Variants in ABLIM1 observed in about 807,000 individuals in gnomAD.
The protein encoded by ABLIM1 is actin-binding LIM protein 1.
In ABLIM1, 40 loss-of-function variants were observed where a neutral mutation model predicts 107.0. The observed-to-expected ratio is 0.37, with a 90% confidence interval of 0.29 to 0.49. The LOEUF (loss-of-function observed/expected upper bound fraction) is 0.49, where lower values mean the gene tolerates loss of function less well. Ranked by LOEUF, ABLIM1 falls within the 20% of genes least tolerant of loss-of-function variation. The pLI, the probability that ABLIM1 is intolerant of heterozygous loss-of-function variation, is 0.97. For synonymous variants in ABLIM1, 357 were observed against 357.3 expected, an observed-to-expected ratio of 1.00 and a Z score of 0.01; for missense variants, 857 against 1,008.5, an observed-to-expected ratio of 0.85 and a Z score of 2.04.
At position 114,441,053 on chromosome 10, in the gene ABLIM1, A is replaced by G; in HGVS notation, c.2023T>C (p.Tyr675His). ...CCGCTGACATCCCCATAGCTGTTAT[A>G]CTGAGCGAAGTCGGTAGAAACAGGC... ...HRPVSTDFAQ[Y>H]NSYGDVSGGV... Residue 675 changes from tyrosine to histidine, a missense_variant, in exon 19 of 23, where the codon TAT (tyrosine) becomes CAT (histidine). Physicochemically the swap from Tyr to His is moderately conservative, Grantham distance 83. Coordinates refer to ENST00000533213, the MANE Select transcript of ABLIM1 (RefSeq NM_002313.7). 1 of 1,588,664 alleles carries G rather than the reference A, an allele frequency of 6.3e-7. No individual in the cohort carries two copies.
intron 1 of ABLIM1, among the ~76,000 whole-genome samples, chr10:114,656,276 A>AG (rs1255003670): frequency 6.6e-6 from 1 of 151,160 alleles, no homozygotes; most frequent in Non-Finnish European, 1.5e-5. Flanking sequence ...TCTCAAAAAA[A>AG]AAAAAAAAAA....
At chr10:114,485,927 C>G (rs1309750464) in intron 8 of ABLIM1, among the ~76,000 whole-genome samples, 3 of 152,216 alleles carry the variant, frequency 2.0e-5, no homozygotes, top group Admixed American at 6.5e-5. Context: ...TCCCTTTAAA[C>G]CCTACCAACA....
intron 12 of ABLIM1, among the ~76,000 whole-genome samples, chr10:114,461,086 CAG>C (rs1356292520): frequency 6.6e-6 from 1 of 150,532 alleles, no homozygotes. Context: ...TTTTTTGAGA[CAG>C]GGTTTTGCTC....
chr10:114,693,151 G>A (rs1246165626), intron 1 of ABLIM1, among the ~76,000 whole-genome samples: 3 of 152,176 alleles, frequency 2.0e-5, no homozygotes, highest in Non-Finnish European at 4.4e-5. Flanking sequence ...GAAGAAGGAG[G>A]CTGTGTTGGG....
intron 6 of ABLIM1, among the ~76,000 whole-genome samples, chr10:114,513,846 C>A (rs930182881): frequency 6.6e-6 from 1 of 152,152 alleles, no homozygotes; most frequent in Non-Finnish European, 1.5e-5. Flanking sequence ...AGTGCCCCTG[C>A]AAATTCTTAT....
At chr10:114,440,042 A>G (rs2059973974) in intron 20 of ABLIM1, 40 bp downstream of exon 20, 2 of 1,613,688 alleles carry the variant, frequency 1.2e-6, no homozygotes, top group East Asian at 2.2e-5. Flanking sequence ...TGGCTGTTCT[A>G]TCGGTGTGGC....
intron 6 of ABLIM1, among the ~76,000 whole-genome samples, chr10:114,508,303 A>C (rs777438175): frequency 3.9e-5 from 6 of 152,214 alleles, no homozygotes; most frequent in Non-Finnish European, 8.8e-5. Context: ...GGCTGGGTTA[A>C]TATCTCCATT....
At chr10:114,468,325 A>G (rs1163820767) in intron 10 of ABLIM1, 109 bp from the exon 11 acceptor site, 5 of 1,050,508 alleles carry the variant, frequency 4.8e-6, no homozygotes, top group Admixed American at 3.6e-5. Context: ...CCCAGGCTGG[A>G]GTGCAGTGGC....
intron 6 of ABLIM1, among the ~76,000 whole-genome samples, chr10:114,497,765 T>G (rs1431039589): frequency 6.6e-6 from 1 of 151,822 alleles, no homozygotes; most frequent in Non-Finnish European, 1.5e-5. Flanking sequence ...AAGACTACAC[T>G]GTGGCTAGCA....
chr10:114,515,421 G>T (rs189014814), intron 6 of ABLIM1, among the ~76,000 whole-genome samples: 1 of 152,284 alleles, frequency 6.6e-6, no homozygotes, highest in East Asian at 1.9e-4. Flanking sequence ...TTCCACCATG[G>T]TTGAGAATCC....
rs139054713 is a variant in ABLIM1 at position 114,629,914 on chromosome 10, A to T, written c.245-27953T>A. ...CTCTGTTGATGGCTGAGGTCAGTGCAATCAGAAAGCAGTGGTGTGGACTGG... is the reference window on the plus strand; with the variant it reads ...CTCTGTTGATGGCTGAGGTCAGTGCTATCAGAAAGCAGTGGTGTGGACTGG... On this transcript the variant is annotated intron_variant, in intron 1 of 22. Coordinates refer to ENST00000533213, the MANE Select transcript of ABLIM1 (RefSeq NM_002313.7). The surrounding 1 kb of genome is among the most constrained non-coding windows in gnomAD (Gnocchi z 4.0). Among the ~76,000 whole-genome samples, 1 of 152,324 alleles carries T rather than the reference A, an allele frequency of 6.6e-6. No individual in the cohort carries two copies. Among genetic ancestry groups the T allele is most frequent in the East Asian group, 1.9e-4 (1 of 5,188 alleles).
At chr10:114,667,290 C>T (rs888078522) in intron 1 of ABLIM1, among the ~76,000 whole-genome samples, 10 of 152,078 alleles carry the variant, frequency 6.6e-5, no homozygotes, top group African/African-American at 2.4e-4. Flanking sequence ...TGCTGTGAAC[C>T]ACTGCAAAAG....
chr10:114,684,254 G>T, intron 1 of ABLIM1: 1 of 1,608,128 alleles, frequency 6.2e-7, no homozygotes, highest in South Asian at 1.1e-5. Flanking sequence ...ACCCCAGACA[G>T]AATATATGCT....
At chr10:114,610,323 T>A in intron 1 of ABLIM1, among the ~76,000 whole-genome samples, 1 of 152,190 alleles carries the variant, frequency 6.6e-6, no homozygotes, top group East Asian at 1.9e-4. Flanking sequence ...CTCTCTCTGG[T>A]TGAGACTGGT....
At chr10:114,716,634 T>G (rs1290733730) in intron 1 of ABLIM1, among the ~76,000 whole-genome samples, 1 of 152,136 alleles carries the variant, frequency 6.6e-6, no homozygotes, top group Non-Finnish European at 1.5e-5. Context: ...TCAGTACACT[T>G]TTCAAGTTAG....
intron 4 of ABLIM1, among the ~76,000 whole-genome samples, chr10:114,569,460 C>T (rs2071323012): frequency 6.6e-6 from 1 of 151,994 alleles, no homozygotes; most frequent in South Asian, 2.1e-4. Flanking sequence ...GCTGGGATTA[C>T]AGGTACCCGC....
At chr10:114,716,063 T>A (rs1476150963) in intron 1 of ABLIM1, among the ~76,000 whole-genome samples, 5 of 152,118 alleles carry the variant, frequency 3.3e-5, no homozygotes, top group African/African-American at 9.7e-5. Flanking sequence ...ACCCAAACAA[T>A]CAAGTGTTTC....
At chr10:114,676,557 TTA>T (rs1234988202) in intron 1 of ABLIM1, among the ~76,000 whole-genome samples, 1 of 152,046 alleles carries the variant, frequency 6.6e-6, no homozygotes. Flanking sequence ...ATTTATACGA[TTA>T]TGTTTCTTGG....
intron 8 of ABLIM1, among the ~76,000 whole-genome samples, chr10:114,479,611 T>G (rs1278804957): frequency 6.6e-6 from 1 of 152,200 alleles, no homozygotes; most frequent in South Asian, 2.1e-4. Context: ...GTTCCTGGTT[T>G]GTTGCCTACT....
Sources: allele counts gnomAD v4.1 joint callset (sites outside exome capture counted in the v4.1 genomes callset), GRCh38; gene constraint gnomAD v4.1.1; non-coding constraint Gnocchi (gnomAD v3.1); transcripts MANE v1.5; gene names NCBI Gene and HGNC (gene_info 2026-07-23, HGNC 2026-07-21).